RGL1: variants seen among roughly 807,000 people sequenced by gnomAD.
The protein encoded by RGL1 is ral guanine nucleotide dissociation stimulator-like 1.
Under a neutral mutation model 95.2 loss-of-function variants are expected in RGL1, and 24 were observed. That is an observed-to-expected ratio of 0.25 (90% CI 0.18 to 0.35). RGL1 has a LOEUF of 0.35. RGL1 is among the 10% of genes least tolerant of loss of function. The probability of loss-of-function intolerance (pLI) is 1.00; values close to 1 mark genes in which losing one functional copy is unlikely to be tolerated. For synonymous variants in RGL1, 329 were observed against 344.9 expected (o/e 0.95, Z 0.51); for missense variants, 715 against 936.3 (o/e 0.76, Z 3.08).
At position 183,839,207 on chromosome 1, in the gene RGL1, G is replaced by A. The variant is rs147472826; in HGVS notation, c.139-8359G>A. Among the ~76,000 whole-genome samples the A allele has an allele frequency of 9.2e-5, 14 of 152,206 alleles. No individual in the cohort carries two copies. In the East Asian group the frequency reaches 2.7e-3, roughly 29 times the overall value. ...TACTACTCTTCCTATTTTAATTGAT[G>A]TAATTTCTACATATTTCCATCTTAG... On this transcript the variant is annotated intron_variant, in intron 2 of 17. Transcript: ENST00000360851.
At chr1:183,685,574 T>C (rs1157279266) in intron 1 of RGL1, among the ~76,000 whole-genome samples, 3 of 152,198 alleles carry the variant, frequency 2.0e-5, no homozygotes, top group African/African-American at 4.8e-5. Flanking sequence ...CAGTTATAAT[T>C]TCAAAAAGAT....
intron 1 of RGL1, among the ~76,000 whole-genome samples, chr1:183,669,445 G>GTCCATAT (rs1652287509): frequency 2.0e-5 from 3 of 152,068 alleles, no homozygotes. Flanking sequence ...ATAGTCCATA[G>GTCCATAT]TCCATAGAAG....
At chr1:183,738,722 A>T (rs1207624612) in intron 1 of RGL1, among the ~76,000 whole-genome samples, 1 of 152,050 alleles carries the variant, frequency 6.6e-6, no homozygotes, top group Non-Finnish European at 1.5e-5. Flanking sequence ...CCAACATGGT[A>T]AAATCTCGTC....
chr1:183,668,935 C>CTTT lies in RGL1; in HGVS notation c.-33+32436_-33+32438dup, dbSNP rs551008973. Among the ~76,000 whole-genome samples, 369 of 115,524 alleles carry CTTT rather than the reference C, an allele frequency of 3.2e-3. 53 individuals carry two copies. Among genetic ancestry groups the CTTT allele is most frequent in the African/African-American group, 6.0e-3 (190 of 31,504 alleles). The allele number at this position is 115,524 out of a possible 152,430, so 75.8% of individuals were successfully genotyped here. A position where few individuals can be genotyped will look rare whatever the true frequency, so the allele number is the denominator to read the frequency against. On this transcript the variant is annotated intron_variant, in intron 1 of 18. Transcript: ENST00000304685. Reference sequence around the variant, plus strand: ...CTTTTTGCTTTTGGTATTGGACTTTCTTTTCTTTTTTTTTTTTTTTGAGAT... The same window carrying CTTT: ...CTTTTTGCTTTTGGTATTGGACTTTCTTTTTTTCTTTTTTTTTTTTTTTGAGAT...
At position 183,724,945 on chromosome 1, in the gene RGL1, C is replaced by T. The variant is rs1656224545; in HGVS notation, c.-32-17181C>T. On this transcript the variant is annotated intron_variant, in intron 1 of 18. Transcript: ENST00000304685. This position sits in a 1 kb window ranked among gnomAD's most constrained non-coding sequence, Gnocchi z 4.1. ...CACAGGGGTGGTTGTGTCATCTCTC[C>T]CCCAGCTCTAGGCACCACAACACAC... Among the ~76,000 whole-genome samples the T allele has an allele frequency of 6.7e-6, 1 of 149,302 alleles. No homozygotes were observed.
chr1:183,734,011 A>G (rs555945602), intron 1 of RGL1, among the ~76,000 whole-genome samples: 8 of 152,254 alleles, frequency 5.3e-5, no homozygotes, highest in Non-Finnish European at 1.0e-4. Context: ...CTGGCTTAGT[A>G]AAGTGACTGT....
intron 2 of RGL1, among the ~76,000 whole-genome samples, chr1:183,799,154 G>A (rs1271409238): frequency 2.6e-5 from 4 of 151,402 alleles, no homozygotes; most frequent in Non-Finnish European, 2.9e-5. Flanking sequence ...TGCCTGCCTC[G>A]GCCTCCCAAA....
In RGL1 at chr1:183,898,803, A is replaced by T. The variant is rs565857218; in HGVS notation, c.1230+906A>T. 4.6e-5 allele frequency among the ~76,000 whole-genome samples: 7 copies of T among 152,328 alleles called. No individual in the cohort carries two copies. The East Asian group carries it at 1.3e-3, about 29-fold the overall frequency. The stretch of plus-strand genomic sequence containing the variant: ...ACTGCAGCTGACAGTGAGTTCCTGA[A>T]GGACAAAACCCTCCTTGGTATGAAC... On this transcript the variant is annotated intron_variant, in intron 10 of 17. Coordinates refer to ENST00000360851, the MANE Select transcript of RGL1 (RefSeq NM_001297671.3).
At chr1:183,725,154 A>T (rs1015275732) in intron 1 of RGL1, among the ~76,000 whole-genome samples, 12 of 152,190 alleles carry the variant, frequency 7.9e-5, no homozygotes, top group Admixed American at 2.0e-4. Context: ...AGCGTTACTG[A>T]GCTCGAGGTG....
intron 2 of RGL1, among the ~76,000 whole-genome samples, chr1:183,771,757 C>T (rs1317924012): frequency 6.6e-6 from 1 of 152,220 alleles, no homozygotes; most frequent in Non-Finnish European, 1.5e-5. Context: ...AGGACAGGCA[C>T]TTGTGCCTTC....
intron 1 of RGL1, among the ~76,000 whole-genome samples, chr1:183,729,283 T>A (rs981384667): frequency 3.3e-5 from 5 of 152,058 alleles, no homozygotes; most frequent in Non-Finnish European, 7.4e-5. Flanking sequence ...GAACCAATTA[T>A]AAAGTCAATA....
intron 2 of RGL1, among the ~76,000 whole-genome samples, chr1:183,829,914 A>G (rs549481173): frequency 1.3e-5 from 2 of 152,262 alleles, no homozygotes; most frequent in Admixed American, 6.5e-5. Flanking sequence ...GTTTTTAAGC[A>G]GCTTTTTATA....
chr1:183,898,734 T>C (rs61809239), intron 10 of RGL1, among the ~76,000 whole-genome samples: 48,043 of 152,138 alleles, frequency 0.32, 7,889 homozygotes, highest in East Asian at 0.49. Context: ...AAATAGATTA[T>C]TTTAGTACAG....
chr1:183,884,920 G>A lies in RGL1; in HGVS notation c.933G>A (p.Lys311=), dbSNP rs777692788. Reference sequence around the variant, plus strand: ...AGCAGAGAGCCAAAATCATTGAGAAGTGGATCAACATCGCTCATGTAATTG... The same window carrying A: ...AGCAGAGAGCCAAAATCATTGAGAAATGGATCAACATCGCTCATGTAATTG... The part of the protein sequence containing the change: ...KTQQRAKIIE[K]WINIAHECRL... The change falls in exon 7 of 18, where the codon AAG becomes AAA. Residue 311 remains lysine (K), a synonymous_variant. Transcript: ENST00000360851. The A allele has an allele frequency of 6.2e-7, 1 of 1,613,962 alleles. No homozygotes were observed. The highest frequency in any genetic ancestry group is 1.1e-5 in the South Asian group (1 of 91,078).
At chr1:183,861,918 T>C (rs1665532767) in intron 3 of RGL1, among the ~76,000 whole-genome samples, 1 of 152,202 alleles carries the variant, frequency 6.6e-6, no homozygotes, top group Non-Finnish European at 1.5e-5. Context: ...CAGGAAAACA[T>C]CAAAGGAACC....
At chr1:183,652,762 A>T (rs1177811217) in intron 1 of RGL1, among the ~76,000 whole-genome samples, 1 of 152,170 alleles carries the variant, frequency 6.6e-6, no homozygotes, top group Non-Finnish European at 1.5e-5. Flanking sequence ...TGGGAAATAC[A>T]TGTTATACTC....
chr1:183,852,669 C>G (rs887027853), intron 3 of RGL1, among the ~76,000 whole-genome samples: 1 of 152,028 alleles, frequency 6.6e-6, no homozygotes, highest in Non-Finnish European at 1.5e-5. Flanking sequence ...TAAAAATTAG[C>G]TGGTATGGTG....
At chr1:183,737,734 C>T (rs1183965030) in intron 1 of RGL1, among the ~76,000 whole-genome samples, 1 of 152,128 alleles carries the variant, frequency 6.6e-6, no homozygotes, top group African/African-American at 2.4e-5. Flanking sequence ...CAATCACAAT[C>T]CTTTTACAAT....
At chr1:183,905,120 G>C in intron 13 of RGL1, 149 bp downstream of exon 13, 2 of 886,140 alleles carry the variant, frequency 2.3e-6, no homozygotes, top group Non-Finnish European at 3.3e-6. Context: ...CGCATGGTGT[G>C]GCAGGAAAGG....
Sources: allele counts gnomAD v4.1 joint callset (sites outside exome capture counted in the v4.1 genomes callset), GRCh38; gene constraint gnomAD v4.1.1; non-coding constraint Gnocchi (gnomAD v3.1); transcripts MANE v1.5; gene names NCBI Gene and HGNC (gene_info 2026-07-23, HGNC 2026-07-21).